The following ABCA13 variants were observed in gnomAD, a reference collection of about 807,000 sequenced individuals.
The protein encoded by ABCA13 is ATP binding cassette subfamily A member 13.
ABCA13 carries 476 observed loss-of-function variants against 478.7 expected under a neutral mutation model. That is an observed-to-expected ratio of 0.99 (90% CI 0.92 to 1.07). The LOEUF (loss-of-function observed/expected upper bound fraction) is 1.07. Ranked by LOEUF, ABCA13 falls within the 50% of genes least tolerant of loss-of-function variation. ABCA13 has a pLI of 0.00. For synonymous variants in ABCA13, 2,252 were observed against 2,158.9 expected (o/e 1.04, Z -1.20); for missense variants, 6,060 against 5,910.6 (o/e 1.03, Z -0.83).
At chr7:48,339,810 G>A (rs1040748669) in intron 29 of ABCA13, among the ~76,000 whole-genome samples, 9 of 152,114 alleles carry the variant, frequency 5.9e-5, no homozygotes, top group Non-Finnish European at 1.3e-4. Context: ...TTTTCCATCC[G>A]ACCCTGTACA....
chr7:48,644,297 G>A (rs566375615), intron 60 of ABCA13, among the ~76,000 whole-genome samples: 84 of 152,232 alleles, frequency 5.5e-4, no homozygotes, highest in Non-Finnish European at 1.0e-3. Context: ...CCTTCCATCC[G>A]TCTCTGTTAG....
At chr7:48,483,804 G>T (rs1829021863) in intron 47 of ABCA13, among the ~76,000 whole-genome samples, 1 of 152,204 alleles carries the variant, frequency 6.6e-6, no homozygotes, top group Admixed American at 6.5e-5. Flanking sequence ...TTAAAATGGG[G>T]AAAGCAGAAA....
intron 46 of ABCA13, among the ~76,000 whole-genome samples, chr7:48,482,184 A>G (rs563704205): frequency 6.6e-6 from 1 of 152,308 alleles, no homozygotes; most frequent in Admixed American, 6.5e-5. Flanking sequence ...GCAAATAGAC[A>G]ATAAAACCCA....
intron 27 of ABCA13, among the ~76,000 whole-genome samples, chr7:48,319,000 TAA>T (rs1246684122): frequency 6.6e-6 from 1 of 152,074 alleles, no homozygotes; most frequent in African/African-American, 2.4e-5. Context: ...GCTGAAGAAA[TAA>T]GTTAGATATA....
At chr7:48,398,699 C>T (rs145512083) in intron 38 of ABCA13, among the ~76,000 whole-genome samples, 73 of 152,220 alleles carry the variant, frequency 4.8e-4, no homozygotes, top group African/African-American at 1.7e-3. Flanking sequence ...ATGTAGTTAA[C>T]GTTACTACTT....
chr7:48,355,102 A>C (rs1563109224), intron 31 of ABCA13, among the ~76,000 whole-genome samples: 1 of 150,920 alleles, frequency 6.6e-6, no homozygotes, highest in Admixed American at 6.6e-5. Context: ...AGTCCAGGGA[A>C]GCAGAGGTGC....
intron 23 of ABCA13, among the ~76,000 whole-genome samples, chr7:48,302,077 C>T (rs974577473): frequency 3.3e-5 from 5 of 152,178 alleles, no homozygotes; most frequent in Non-Finnish European, 1.5e-5. Context: ...GAATGTGATG[C>T]TGTGGAAGTC....
At chr7:48,456,595 G>A (rs1825700854) in intron 43 of ABCA13, among the ~76,000 whole-genome samples, 1 of 152,082 alleles carries the variant, frequency 6.6e-6, no homozygotes, top group Non-Finnish European at 1.5e-5. Flanking sequence ...ATTTGTATTT[G>A]TTATCACAAT....
chr7:48,412,327 T>A, intron 40 of ABCA13, 26 bp from the exon 41 acceptor site: 1 of 1,570,606 alleles, frequency 6.4e-7, no homozygotes, highest in Middle Eastern at 1.7e-4. Context: ...CTTACTGGCT[T>A]CTTTTTTCCT....
Position 48,240,787 on chromosome 7 carries a change from A to ATGTTAAT in ABCA13, c.1063-79_1063-73dup, listed in dbSNP as rs1790712414. 5 of 1,167,820 alleles carry ATGTTAAT rather than the reference A, an allele frequency of 4.3e-6. No individual in the cohort carries two copies. The South Asian group carries it at 1.4e-4, about 32-fold the overall frequency. 72.3% of individuals were successfully genotyped at this position (1,167,820 alleles called of 1,614,324 possible). On this transcript the variant is annotated intron_variant, in intron 9 of 61. Coordinates refer to ENST00000435803, the MANE Select transcript of ABCA13 (RefSeq NM_152701.5). ...TTGGCTGTCTGTCATCTAGAGTGGT[A>ATGTTAAT]TGTTAATATTTCTTAACTAAATACT...
chr7:48,414,999 C>T (rs768359636), intron 41 of ABCA13, among the ~76,000 whole-genome samples: 23 of 152,138 alleles, frequency 1.5e-4, no homozygotes, highest in Non-Finnish European at 2.4e-4. Context: ...TGGGAGACAG[C>T]AGTCTTCCCT....
intron 57 of ABCA13, among the ~76,000 whole-genome samples, chr7:48,588,445 A>G (rs1204862171): frequency 6.6e-6 from 1 of 152,186 alleles, no homozygotes; most frequent in Admixed American, 6.5e-5. Context: ...CTCTGTAGCC[A>G]TGACCTGCTC....
At position 48,352,313 on chromosome 7, in the gene ABCA13, C is replaced by T. The variant is rs1219379363; in HGVS notation, c.10514C>T (p.Ser3505Phe). The T allele has an allele frequency of 2.5e-6, 4 of 1,613,808 alleles. No individual in the cohort carries two copies. Residue 3505 changes from serine (S) to phenylalanine (F), a missense_variant, in exon 31 of 62, where the codon TCT becomes TTT. Physicochemically the swap from Ser to Phe is radical, Grantham distance 155. Transcript: ENST00000435803. ...CGAACAGATGTGGTAAAAAACCCTT[C>T]TTGGAAGTTCCACCCTCAGAATCTA... Reference protein sequence around the residue: ...SVRTDVVKNPSWKFHPQNLPA... With the variant: ...SVRTDVVKNPFWKFHPQNLPA...
At chr7:48,560,276 A>G (rs570164792) in intron 55 of ABCA13, among the ~76,000 whole-genome samples, 2 of 152,138 alleles carry the variant, frequency 1.3e-5, no homozygotes, top group South Asian at 2.1e-4. Flanking sequence ...GCCCTGCATG[A>G]TTTTGCTCTC....
At chr7:48,403,646 G>C (rs373895876) in intron 38 of ABCA13, 37 bp from the exon 39 acceptor site, 1 of 1,596,176 alleles carries the variant, frequency 6.3e-7, no homozygotes, top group Non-Finnish European at 8.6e-7. Context: ...GTTTTAAGGT[G>C]TTCAGGGAGA....
intron 42 of ABCA13, among the ~76,000 whole-genome samples, chr7:48,436,740 A>AT (rs1358850140): frequency 6.6e-6 from 1 of 150,536 alleles, no homozygotes; most frequent in Non-Finnish European, 1.5e-5. Flanking sequence ...GTTTCAAGAT[A>AT]TTTTCTAACT....
chr7:48,413,607 A>G (rs1585217286), intron 41 of ABCA13, among the ~76,000 whole-genome samples: 5 of 152,310 alleles, frequency 3.3e-5, no homozygotes, highest in Admixed American at 3.3e-4. Context: ...AAAATTTTTA[A>G]AAATCTGCAA....
At chr7:48,524,148 A>G (rs1021311466) in intron 53 of ABCA13, 100 bp from the exon 54 acceptor site, 16 of 1,125,096 alleles carry the variant, frequency 1.4e-5, no homozygotes, top group African/African-American at 1.3e-4. Context: ...TCCGAAGGTG[A>G]TATCTTCAAT....
chr7:48,376,089 G>A (rs1813433611), intron 34 of ABCA13, among the ~76,000 whole-genome samples: 1 of 151,922 alleles, frequency 6.6e-6, no homozygotes, highest in African/African-American at 2.4e-5. Flanking sequence ...TTAGAATTTG[G>A]GTTCTCAAGG....
Sources: allele counts gnomAD v4.1 joint callset (sites outside exome capture counted in the v4.1 genomes callset), GRCh38; gene constraint gnomAD v4.1.1; transcripts MANE v1.5; gene names NCBI Gene and HGNC (gene_info 2026-07-23, HGNC 2026-07-21).